Variants in DDX19B observed in about 807,000 individuals in gnomAD.
DDX19B encodes the protein ATP-dependent RNA helicase DDX19B.
DDX19B carries 27 observed loss-of-function variants against 58.1 expected under a neutral mutation model. That is an observed-to-expected ratio of 0.46 (90% confidence interval 0.34 to 0.64). The LOEUF is 0.64. Among genes scored for constraint, DDX19B ranks in the 30% least tolerant of loss-of-function variants. The pLI, the probability that DDX19B is intolerant of heterozygous loss-of-function variation, is 0.01. For missense variants in DDX19B, 399 were observed against 596.5 expected, an observed-to-expected ratio of 0.67 and a Z score of 3.45; for synonymous variants, 187 against 214.4, an observed-to-expected ratio of 0.87 and a Z score of 1.12.
At chr16:70,317,991 G>A (rs1962529177) in intron 5 of DDX19B, 1 of 153,212 alleles carries the variant, frequency 6.5e-6, no homozygotes, top group South Asian at 2.0e-4. Context: ...CTTGAACCCG[G>A]GAGGCAGAGG....
At chr16:70,314,400 C>T (rs1464753208) in intron 2 of DDX19B, among the ~76,000 whole-genome samples, 1 of 152,074 alleles carries the variant, frequency 6.6e-6, no homozygotes. Context: ...CGGTAGCTCA[C>T]GCCTGTAATC....
intron 2 of DDX19B, among the ~76,000 whole-genome samples, chr16:70,313,112 G>A (rs1249514520): frequency 3.3e-5 from 5 of 151,928 alleles, no homozygotes; most frequent in Non-Finnish European, 5.9e-5. Flanking sequence ...TCCACCTCCC[G>A]GCTTCACACC....
chr16:70,321,600 T>C (rs1962818674), intron 5 of DDX19B, among the ~76,000 whole-genome samples: 1 of 152,236 alleles, frequency 6.6e-6, no homozygotes, highest in African/African-American at 2.4e-5. Context: ...AAGGAGCTTA[T>C]GTTCTAGTTT....
intron 10 of DDX19B, 87 bp downstream of exon 10, chr16:70,331,971 C>T (rs1434463795): frequency 3.9e-6 from 6 of 1,553,508 alleles, no homozygotes; most frequent in African/African-American, 2.7e-5. Context: ...ACAGGGAAGT[C>T]GGATGGTCTC....
chr16:70,315,864 G>A, intron 3 of DDX19B, 105 bp from the exon 4 acceptor site: 1 of 1,414,472 alleles, frequency 7.1e-7, no homozygotes, highest in Non-Finnish European at 9.5e-7. Context: ...GAATTTGAAT[G>A]TTCAGTACAT....
chr16:70,308,551 T>G (rs1390500887), intron 1 of DDX19B, among the ~76,000 whole-genome samples: 1 of 151,988 alleles, frequency 6.6e-6, no homozygotes, highest in Non-Finnish European at 1.5e-5. Flanking sequence ...TATTTATTTT[T>G]TAGGAGATGG....
At chr16:70,312,781 C>A (rs1283470818) in intron 2 of DDX19B, 124 bp downstream of exon 2, 2 of 693,992 alleles carry the variant, frequency 2.9e-6, no homozygotes, top group Non-Finnish European at 4.9e-6. Context: ...GATACTGGTA[C>A]CATTTGATTT....
rs528080873 is a variant in DDX19B at position 70,333,968 on chromosome 16, A to C, written c.*386A>C. The C allele has an allele frequency of 2.7e-4, 80 of 298,846 alleles. No individual in the cohort carries two copies. The highest frequency in any genetic ancestry group is 1.7e-3 in the African/African-American group (77 of 45,636). The allele number at this position is 298,846 out of a possible 1,614,324, so 18.5% of individuals were successfully genotyped here. On this transcript the variant is annotated 3_prime_UTR_variant, in exon 12 of 12. Coordinates refer to ENST00000288071, the MANE Select transcript of DDX19B (RefSeq NM_007242.7). ...TGGGGCAGCCTCCAGCTCCTGTGGA[A>C]GTAATGGAATAGTGGTGGAAAGGGA... is the stretch of plus-strand genomic sequence containing the variant.
At chr16:70,310,204 A>T (rs1346402609) in intron 1 of DDX19B, among the ~76,000 whole-genome samples, 1 of 152,132 alleles carries the variant, frequency 6.6e-6, no homozygotes, top group Non-Finnish European at 1.5e-5. Flanking sequence ...AATGTGGTGA[A>T]ACCCTGTCTC....
chr16:70,294,849 G>A, upstream of DDX19B: 1 of 1,519,708 alleles, frequency 6.6e-7, no homozygotes, highest in Non-Finnish European at 8.8e-7. Flanking sequence ...AGCCGCGATG[G>A]CTGGGGCTGC....
At chr16:70,302,301 T>A (rs1296355009) in intron 1 of DDX19B, among the ~76,000 whole-genome samples, 5 of 152,124 alleles carry the variant, frequency 3.3e-5, no homozygotes, top group Admixed American at 6.6e-5. Flanking sequence ...AGTGTACAGT[T>A]CTATGAATTT....
At chr16:70,325,832 T>C (rs1963114875) in intron 7 of DDX19B, 144 bp downstream of exon 7, 1 of 691,222 alleles carries the variant, frequency 1.4e-6, no homozygotes, top group South Asian at 1.8e-5. Context: ...TTTGCCATAT[T>C]TGCTTTACAT....
intron 1 of DDX19B, among the ~76,000 whole-genome samples, chr16:70,306,256 G>A (rs955165361): frequency 4.0e-5 from 6 of 151,836 alleles, no homozygotes; most frequent in African/African-American, 1.5e-4. Flanking sequence ...GGCTCATGCA[G>A]TCCTCCCACC....
At chr16:70,309,670 T>A (rs1211692477) in intron 1 of DDX19B, among the ~76,000 whole-genome samples, 2 of 151,276 alleles carry the variant, frequency 1.3e-5, no homozygotes, top group Admixed American at 1.3e-4. Flanking sequence ...ATTCAAAAAT[T>A]AGCTGTGCGT....
chr16:70,321,017 C>T (rs1014265913), intron 5 of DDX19B, among the ~76,000 whole-genome samples: 7 of 144,178 alleles, frequency 4.9e-5, no homozygotes, highest in African/African-American at 1.8e-4. Context: ...GGCTGGAGTG[C>T]AATGGCGCGA....
intron 1 of DDX19B, among the ~76,000 whole-genome samples, chr16:70,304,657 A>G (rs1362061204): frequency 6.6e-6 from 1 of 152,146 alleles, no homozygotes; most frequent in Admixed American, 6.5e-5. Flanking sequence ...ACAGGCGTGA[A>G]CCACCACTCC....
At chr16:70,294,181 A>G (rs1158839765), upstream of DDX19B, among the ~76,000 whole-genome samples, 4 of 141,712 alleles carry the variant, frequency 2.8e-5, no homozygotes, top group South Asian at 6.6e-4. Flanking sequence ...TCCCGGGTTC[A>G]CGCCATTCTC....
At chr16:70,307,125 C>G (rs1297167235) in intron 1 of DDX19B, among the ~76,000 whole-genome samples, 1 of 152,108 alleles carries the variant, frequency 6.6e-6, no homozygotes, top group Non-Finnish European at 1.5e-5. Flanking sequence ...TTATCAATTT[C>G]TGGACATTTG....
chr16:70,303,467 A>G (rs992225325), intron 1 of DDX19B, among the ~76,000 whole-genome samples: 3 of 152,134 alleles, frequency 2.0e-5, no homozygotes, highest in Admixed American at 2.0e-4. Flanking sequence ...TTTTGCATAT[A>G]TTCTCTCAAA....
Sources: gnomAD v4.1 joint callset for allele counts (sites outside exome capture counted in the v4.1 genomes callset) on GRCh38, gnomAD v4.1.1 for gene constraint, MANE v1.5 for transcripts, NCBI Gene and HGNC (gene_info 2026-07-23, HGNC 2026-07-21) for gene names.